PDE4D: variants seen among roughly 807,000 people sequenced by gnomAD.
The protein encoded by PDE4D is phosphodiesterase 4D.
PDE4D carries 24 observed loss-of-function variants against 87.4 expected under a neutral mutation model. The observed-to-expected ratio is 0.27, with a 90% CI of 0.20 to 0.39. PDE4D has a LOEUF of 0.39. Among genes scored for constraint, PDE4D ranks in the 10% least tolerant of loss-of-function variants. The pLI, the probability that PDE4D is intolerant of heterozygous loss-of-function variation, is 1.00. For missense variants in PDE4D, 714 were observed against 1,041.0 expected (o/e 0.69, Z 4.32); for synonymous variants, 384 against 383.2 (o/e 1.00, Z -0.02).
chr5:59,112,614 T>C (rs933554440), intron 5 of PDE4D, among the ~76,000 whole-genome samples: 2 of 152,094 alleles, frequency 1.3e-5, no homozygotes, highest in Admixed American at 1.3e-4. Flanking sequence ...AGATACGAGA[T>C]GTTCTAAAAA....
chr5:60,229,811 A>G (rs1745592460), intron 1 of PDE4D, among the ~76,000 whole-genome samples: 1 of 152,160 alleles, frequency 6.6e-6, no homozygotes, highest in African/African-American at 2.4e-5. Flanking sequence ...GGCAAGAATC[A>G]GCACTTGATT....
At chr5:59,502,613 T>C (rs1808490296) in intron 1 of PDE4D, among the ~76,000 whole-genome samples, 1 of 151,568 alleles carries the variant, frequency 6.6e-6, no homozygotes. Flanking sequence ...ATTAGGAAAA[T>C]TGAAAGCACC....
chr5:59,972,908 T>G (rs1439832511), intron 3 of PDE4D, among the ~76,000 whole-genome samples: 1 of 152,166 alleles, frequency 6.6e-6, no homozygotes, highest in African/African-American at 2.4e-5. Flanking sequence ...TCCTCCCTTA[T>G]TTCACTGAGA....
intron 1 of PDE4D, among the ~76,000 whole-genome samples, chr5:60,418,611 A>G (rs558618657): frequency 1.3e-5 from 2 of 151,822 alleles, no homozygotes; most frequent in Non-Finnish European, 2.9e-5. Context: ...CTGGGTACAT[A>G]GTAGGTATAA....
chr5:59,039,563 C>T lies in PDE4D; in HGVS notation c.809-592G>A, dbSNP rs147816615. 6,086 of 971,266 alleles carry T rather than the reference C, an allele frequency of 6.3e-3. 31 individuals carry two copies. The highest frequency in any genetic ancestry group is 6.9e-3 in the Non-Finnish European group (5,609 of 817,020). 60.2% of individuals were successfully genotyped at this position (971,266 alleles called of 1,614,324 possible). A position where few individuals can be genotyped will look rare whatever the true frequency, so the allele number is the denominator to read the frequency against. On this transcript the variant is annotated intron_variant, in intron 5 of 14. Transcript: ENST00000340635. Reference sequence around the variant, plus strand: ...TCGGGCGGCAGGCGCAGCGCGGCTCCAACGCCGCAGCTTTCCGGGAACACT... The same window carrying T: ...TCGGGCGGCAGGCGCAGCGCGGCTCTAACGCCGCAGCTTTCCGGGAACACT...
intron 1 of PDE4D, among the ~76,000 whole-genome samples, chr5:60,215,774 C>T (rs901699037): frequency 1.3e-5 from 2 of 152,100 alleles, no homozygotes; most frequent in East Asian, 3.9e-4. Flanking sequence ...ATATCTTAAC[C>T]AGCCGTCCAG....
intron 1 of PDE4D, among the ~76,000 whole-genome samples, chr5:59,667,699 T>C (rs796545488): frequency 7.9e-5 from 12 of 152,322 alleles, no homozygotes; most frequent in African/African-American, 2.9e-4. Flanking sequence ...AACTTTGAAA[T>C]TTCTGTAGCA....
chr5:59,341,626 G>A (rs940711596), intron 1 of PDE4D, among the ~76,000 whole-genome samples: 6 of 152,080 alleles, frequency 3.9e-5, no homozygotes, highest in Non-Finnish European at 5.9e-5. Flanking sequence ...TATATAATGC[G>A]TATGCAAACA....
intron 1 of PDE4D, among the ~76,000 whole-genome samples, chr5:59,703,247 A>G (rs970634985): frequency 3.9e-5 from 6 of 152,198 alleles, no homozygotes; most frequent in African/African-American, 1.2e-4. Context: ...AACTACAAAG[A>G]ATTGTCTATT....
chr5:60,212,618 C>T (rs936227008), intron 1 of PDE4D, among the ~76,000 whole-genome samples: 4 of 152,178 alleles, frequency 2.6e-5, no homozygotes, highest in African/African-American at 9.7e-5. Flanking sequence ...GACGCCAATA[C>T]AGAGGGCAGA....
At position 59,341,086 on chromosome 5, in the gene PDE4D, C is replaced by T. The variant is rs1582054806; in HGVS notation, c.456-125118G>A. ...ACACTATTATTTGAAATCCTTTGTG[C>T]ATGTTACATTACCAGCACATCTGAT... On this transcript the variant is annotated intron_variant, in intron 1 of 14. Transcript: ENST00000340635. Among the ~76,000 whole-genome samples the T allele has an allele frequency of 4.6e-5, 7 of 152,130 alleles. No individual in the cohort carries two copies. In the South Asian group the frequency reaches 1.5e-3, roughly 32 times the overall value.
At chr5:59,342,924 T>C (rs1023003567) in intron 1 of PDE4D, among the ~76,000 whole-genome samples, 1 of 152,108 alleles carries the variant, frequency 6.6e-6, no homozygotes, top group Admixed American at 6.6e-5. Flanking sequence ...ACTCACATAC[T>C]TTTTTGTGGT....
intron 1 of PDE4D, among the ~76,000 whole-genome samples, chr5:59,588,667 G>A (rs946145434): frequency 6.6e-6 from 1 of 152,126 alleles, no homozygotes; most frequent in East Asian, 1.9e-4. Flanking sequence ...TTTTCATTTT[G>A]ATCAAAAGAT....
At chr5:60,033,106 T>C (rs1373098326) in intron 2 of PDE4D, 1 of 152,172 alleles carries the variant, frequency 6.6e-6, no homozygotes, top group Non-Finnish European at 1.5e-5. Flanking sequence ...CCAATATACT[T>C]TTAATTGAGT....
rs532847258 is a variant in PDE4D, at chr5:60,268,540, T to C, written c.-89-82853A>G. Among the ~76,000 whole-genome samples the C allele has an allele frequency of 6.6e-5, 10 of 152,316 alleles. No individual in the cohort carries two copies. In the East Asian group the frequency reaches 1.9e-3, roughly 29 times the overall value. On this transcript the variant is annotated intron_variant, in intron 1 of 16. Transcript: ENST00000502484. ...TAATGAAGGGCATTGCAAAGTGATC[T>C]CAAGTCTCCTGGACAGCCTAGTTTC...
intron 2 of PDE4D, among the ~76,000 whole-genome samples, chr5:60,064,328 T>C (rs571282023): frequency 1.3e-5 from 2 of 152,034 alleles, no homozygotes; most frequent in African/African-American, 4.8e-5. Flanking sequence ...ATGAGGAAAA[T>C]GAGAACAAAG....
chr5:60,106,989 G>A (rs1441424138), intron 2 of PDE4D, among the ~76,000 whole-genome samples: 1 of 151,610 alleles, frequency 6.6e-6, no homozygotes, highest in South Asian at 2.1e-4. Context: ...GCTAGCAGAA[G>A]GCAAGAAATA....
intron 1 of PDE4D, among the ~76,000 whole-genome samples, chr5:59,607,341 C>A (rs1828350621): frequency 6.6e-6 from 1 of 152,108 alleles, no homozygotes; most frequent in African/African-American, 2.4e-5. Context: ...ATGCCCCTCC[C>A]CTTTCCTATT....
At chr5:60,082,782 T>G (rs1261764437) in intron 2 of PDE4D, among the ~76,000 whole-genome samples, 1 of 152,166 alleles carries the variant, frequency 6.6e-6, no homozygotes, top group Non-Finnish European at 1.5e-5. Flanking sequence ...TTCTTCATTT[T>G]GTGCCATTCT....
Sources: gnomAD v4.1 joint callset for allele counts (sites outside exome capture counted in the v4.1 genomes callset) on GRCh38, gnomAD v4.1.1 for gene constraint, MANE v1.5 for transcripts, NCBI Gene and HGNC (gene_info 2026-07-23, HGNC 2026-07-21) for gene names.